GP1BA: variants seen among roughly 807,000 people sequenced by gnomAD.
GP1BA encodes glycoprotein Ib platelet subunit alpha, also known as platelet glycoprotein Ib alpha chain.
A neutral mutation model predicts 5.6 loss-of-function variants in GP1BA; 3 were observed. That is an observed-to-expected ratio of 0.53 (90% confidence interval 0.24 to 1.38). The LOEUF (loss-of-function observed/expected upper bound fraction) is 1.38, where lower values mean the gene tolerates loss of function less well. Among genes scored for constraint, GP1BA ranks in the 40% most tolerant of loss-of-function variants. GP1BA has a pLI of 0.16. For synonymous variants in GP1BA, 323 were observed against 358.3 expected, an observed-to-expected ratio of 0.90 and a Z score of 1.11; for missense variants, 707 against 801.4, an observed-to-expected ratio of 0.88 and a Z score of 1.42.
chr17:4,934,113 G>GT lies in GP1BA; in HGVS notation c.1509_1510insT (p.Leu504SerfsTer15). The GT allele has an allele frequency of 6.2e-7, 1 of 1,613,780 alleles. No individual in the cohort carries two copies. Among genetic ancestry groups the GT allele is most frequent in the Non-Finnish European group, 8.5e-7 (1 of 1,179,888 alleles). ...TCCCTGAACTTGATCAGCCACCAAA[G>GT]CTCCGTGGGGTGCTCCAAGGGCATT... On this transcript the variant is annotated frameshift_variant, in exon 2 of 2. Coordinates refer to ENST00000329125, the MANE Select transcript of GP1BA (RefSeq NM_000173.7). LOFTEE classifies it low-confidence loss of function (END_TRUNC).
In GP1BA at chr17:4,934,373, T is replaced by C. The variant is rs1448301010; in HGVS notation, c.1769T>C (p.Val590Ala). 1.9e-6 allele frequency: 3 copies of C among 1,613,948 alleles called. No individual in the cohort carries two copies. Among genetic ancestry groups the C allele is most frequent in the Non-Finnish European group, 2.5e-6 (3 of 1,179,912 alleles). ...CTGCAGAGGGGACGGCAAGTGACAG[T>C]GCCCCGGGCCTGGCTGCTCTTCCTT... ...LELQRGRQVT[V>A]PRAWLLFLRG... Residue 590 changes from valine to alanine, a missense_variant, in exon 2 of 2, where the codon GTG (valine) becomes GCG (alanine). By Grantham distance (64) the Val-to-Ala change is moderately conservative. This residue lies in a region of GP1BA where 247 missense variants were observed against 246.6 expected (regional missense o/e 1.00). Coordinates refer to ENST00000329125, the MANE Select transcript of GP1BA (RefSeq NM_000173.7).
In GP1BA at chr17:4,934,991, T is replaced by C. The variant is rs1046151276; in HGVS notation, c.*428T>C. On this transcript the variant is annotated 3_prime_UTR_variant, in exon 2 of 2. Transcript: ENST00000329125. ...ATTTTCTAGTTTTCCACTATTATTG[T>C]ATATTATCTGTATAATAAAAAATAA... 4 of 219,570 alleles carry C rather than the reference T, an allele frequency of 1.8e-5. No individual in the cohort carries two copies. Among genetic ancestry groups the C allele is most frequent in the African/African-American group, 9.5e-5 (4 of 42,296 alleles). The allele number at this position is 219,570 out of a possible 1,614,324, so 13.6% of individuals were successfully genotyped here.
At position 4,934,367 on chromosome 17, in the gene GP1BA, T is replaced by C. The variant is rs201408072; in HGVS notation, c.1763T>C (p.Val588Ala). The change falls in exon 2 of 2, where the codon GTG becomes GCG. Residue 588 changes from valine to alanine, a missense_variant. Transcript: ENST00000329125. ...THLELQRGRQ[V>A]TVPRAWLLFL... ...CTGGAGCTGCAGAGGGGACGGCAAG[T>C]GACAGTGCCCCGGGCCTGGCTGCTC... The C allele has an allele frequency of 2.9e-4, 475 of 1,614,026 alleles. No individual in the cohort carries two copies. The highest frequency in any genetic ancestry group is 5.5e-4 in the Admixed American group (33 of 60,032).
rs759133794 is a variant in GP1BA, at chr17:4,933,730, C to G, written c.1126C>G (p.Pro376Ala). 3.5e-5 allele frequency: 57 copies of G among 1,613,812 alleles called. No individual in the cohort carries two copies. Among genetic ancestry groups the G allele is most frequent in the Non-Finnish European group, 4.6e-5 (54 of 1,179,874 alleles). The change falls in exon 2 of 2, where the codon CCA becomes GCA. Residue 376 changes from proline (P) to alanine (A), a missense_variant. Pro to Ala is a conservative substitution (Grantham distance 27, BLOSUM62 -1). Transcript: ENST00000329125. ...HMESITFSKTPKSTTEPTPSP... is the reference protein window; with the variant it reads ...HMESITFSKTAKSTTEPTPSP... The stretch of plus-strand genomic sequence containing the variant: ...GGAATCCATCACATTCTCCAAAACT[C>G]CAAAATCCACTACTGAACCAACCCC...
rs1970396902 is a variant in GP1BA, at chr17:4,934,667, C to A, written c.*104C>A. ...GGAACACAGGGTGATAGGGAGGGGTCTTAGTTCCTTTTTCTGTATCAGAAG... is the reference window on the plus strand; with the variant it reads ...GGAACACAGGGTGATAGGGAGGGGTATTAGTTCCTTTTTCTGTATCAGAAG... On this transcript the variant is annotated 3_prime_UTR_variant, in exon 2 of 2. Transcript: ENST00000329125. The A allele has an allele frequency of 1.7e-6, 2 of 1,151,622 alleles. No homozygotes were observed. The highest frequency in any genetic ancestry group is 2.5e-6 in the Non-Finnish European group (2 of 791,956). 71.3% of individuals were successfully genotyped at this position (1,151,622 alleles called of 1,614,324 possible). A position where few individuals can be genotyped will look rare whatever the true frequency, so the allele number is the denominator to read the frequency against.
In GP1BA at chr17:4,934,158, C is replaced by T; in HGVS notation, c.1554C>T (p.Asp518=). ...GGCATTTGGAGAGCTCCAGAAATGA[C>T]CCTTTTCTCCACCCCGACTTTTGCT... is the stretch of plus-strand genomic sequence containing the variant. ...LQGHLESSRN[D]PFLHPDFCCL... Residue 518 remains aspartate (D), a synonymous_variant, in exon 2 of 2, where the codon GAC becomes GAT. Transcript: ENST00000329125. 1 of 1,613,896 alleles carries T rather than the reference C, an allele frequency of 6.2e-7. No homozygotes were observed. The highest frequency in any genetic ancestry group is 8.5e-7 in the Non-Finnish European group (1 of 1,179,872).
chr17:4,932,658 C>A lies in GP1BA; in HGVS notation c.54C>A (p.Pro18=). ...TGCCAAGCCCCTTACACCCCCACCC[C>A]ATCTGTGAGGTCTCCAAAGTGGCCA... ...LLLPSPLHPH[P]ICEVSKVASH... The change falls in exon 2 of 2, where the codon CCC becomes CCA. Residue 18 remains proline (P), a synonymous_variant. Coordinates refer to ENST00000329125, the MANE Select transcript of GP1BA (RefSeq NM_000173.7). The surrounding 1 kb of genome is among the most constrained non-coding windows in gnomAD (Gnocchi z 4.8). 6.2e-7 allele frequency: 1 copy of A among 1,613,940 alleles called. No individual in the cohort carries two copies.
rs752965136 is a variant in GP1BA at position 4,934,614 on chromosome 17, G to A, written c.*51G>A. 9 of 1,584,126 alleles carry A rather than the reference G, an allele frequency of 5.7e-6. No individual in the cohort carries two copies. Among genetic ancestry groups the A allele is most frequent in the South Asian group, 1.1e-5 (1 of 88,848 alleles). ...AGAAGAGCCTGTGGGCTCTCCTATT[G>A]GAATCTAGTTGGGGGTTGGAGGGGT... On this transcript the variant is annotated 3_prime_UTR_variant, in exon 2 of 2. Coordinates refer to ENST00000329125, the MANE Select transcript of GP1BA (RefSeq NM_000173.7).
Position 4,932,469 on chromosome 17 carries a change from T to G in GP1BA, c.-7+104T>G. The G allele has an allele frequency of 8.0e-7, 1 of 1,255,356 alleles. No individual in the cohort carries two copies. The highest frequency in any genetic ancestry group is 1.0e-6 in the Non-Finnish European group (1 of 954,180). 77.8% of individuals were successfully genotyped at this position (1,255,356 alleles called of 1,614,324 possible). On this transcript the variant is annotated intron_variant, in intron 1 of 1. Transcript: ENST00000329125. This position sits in a 1 kb window ranked among gnomAD's most constrained non-coding sequence, Gnocchi z 4.8. Reference sequence around the variant, plus strand: ...AAGTTCTGCAGGCAAGGGTGGGAGATGGGAGTAGGGAGGACAGGAGGTGTG... The same window carrying G: ...AAGTTCTGCAGGCAAGGGTGGGAGAGGGGAGTAGGGAGGACAGGAGGTGTG...
Position 4,933,272 on chromosome 17 carries a change from G to A in GP1BA, c.668G>A (p.Trp223Ter). ...TTTGCTTTTCTCCACGGGAACCCCT[G>A]GTTATGCAACTGTGAGATCCTCTAT... ...LPFAFLHGNP[W>*]LCNCEILYFR... The change falls in exon 2 of 2, where the codon TGG becomes TAG. Residue 223 changes from tryptophan (W) to a stop codon, truncating the protein, a stop_gained. Coordinates refer to ENST00000329125, the MANE Select transcript of GP1BA (RefSeq NM_000173.7). LOFTEE classifies it low-confidence loss of function (END_TRUNC). 6.2e-7 allele frequency: 1 copy of A among 1,613,986 alleles called. No homozygotes were observed. Among genetic ancestry groups the A allele is most frequent in the Admixed American group, 1.7e-5 (1 of 60,026 alleles).
rs771260505 is a variant in GP1BA, at chr17:4,933,565, A to G, written c.961A>G (p.Thr321Ala). The part of the protein sequence containing the change: ...VVKFPTKAHT[T>A]PWGLFYSWST... ...CAAGTTCCCCACCAAAGCCCATACAACCCCCTGGGGTCTATTCTACTCATG... is the reference window on the plus strand; with the variant it reads ...CAAGTTCCCCACCAAAGCCCATACAGCCCCCTGGGGTCTATTCTACTCATG... Residue 321 changes from threonine to alanine, a missense_variant, in exon 2 of 2, where the codon ACC becomes GCC. Transcript: ENST00000329125. 1.2e-5 allele frequency: 20 copies of G among 1,613,256 alleles called. No homozygotes were observed. The East Asian group carries it at 3.6e-4, about 29-fold the overall frequency.
At position 4,933,944 on chromosome 17, in the gene GP1BA, C is replaced by T. The variant is rs867163225; in HGVS notation, c.1340C>T (p.Pro447Leu). ...CCCACCTCAGAGCCCGCCCCCAGCC[C>T]GACCACCCCGGAGCCCACCCCAATC... ...PEPTSEPAPS[P>L]TTPEPTPIPT... Residue 447 changes from proline to leucine, a missense_variant, in exon 2 of 2, where the codon CCG becomes CTG. Pro to Leu is a moderately conservative substitution (Grantham distance 98). Transcript: ENST00000329125. 3 of 1,372,830 alleles carry T rather than the reference C, an allele frequency of 2.2e-6. No homozygotes were observed. Among genetic ancestry groups the T allele is most frequent in the East Asian group, 3.7e-5 (1 of 27,006 alleles). The allele number at this position is 1,372,830 out of a possible 1,614,324, so 85.0% of individuals were successfully genotyped here.
rs771510316 is a variant in GP1BA, at chr17:4,933,433, G to A, written c.829G>A (p.Gly277Arg). ...SDKFPVYKYP[G>R]KGCPTLGDEG... ...CAAGTTTCCCGTCTACAAATACCCA[G>A]GAAAGGGGTGCCCCACCCTTGGTGA... The change falls in exon 2 of 2, where the codon GGA (glycine) becomes AGA (arginine). Residue 277 changes from glycine (G) to arginine (R), a missense_variant. Transcript: ENST00000329125. The A allele has an allele frequency of 6.2e-7, 1 of 1,613,956 alleles. No homozygotes were observed. Among genetic ancestry groups the A allele is most frequent in the Non-Finnish European group, 8.5e-7 (1 of 1,179,864 alleles).
chr17:4,932,416 G>C lies in GP1BA; in HGVS notation c.-7+51G>C, dbSNP rs1206952986. On this transcript the variant is annotated intron_variant, in intron 1 of 1. Transcript: ENST00000329125. This position sits in a 1 kb window ranked among gnomAD's most constrained non-coding sequence, Gnocchi z 4.8. ...GGAGAGGGGTCTGAGGGAGGGGAAA[G>C]AGCCAAGGACCTGGAGCTAGTAGTT... 2.2e-6 allele frequency: 3 copies of C among 1,381,880 alleles called. No homozygotes were observed. The highest frequency in any genetic ancestry group is 2.9e-5 in the African/African-American group (2 of 68,634). The allele number at this position is 1,381,880 out of a possible 1,614,324, so 85.6% of individuals were successfully genotyped here.
Position 4,932,911 on chromosome 17 carries a change from A to G in GP1BA, c.307A>G (p.Asn103Asp). ...PVLGTLDLSHNQLQSLPLLGQ... is the reference protein window; with the variant it reads ...PVLGTLDLSHDQLQSLPLLGQ... ...GCTGGGGACCCTGGATCTATCCCAC[A>G]ATCAGCTGCAAAGCCTGCCCTTGCT... The change falls in exon 2 of 2, where the codon AAT becomes GAT. Residue 103 changes from asparagine to aspartate, a missense_variant. Transcript: ENST00000329125. The surrounding 1 kb of genome is among the most constrained non-coding windows in gnomAD (Gnocchi z 4.8). 6.2e-7 allele frequency: 1 copy of G among 1,613,962 alleles called. No homozygotes were observed. Among genetic ancestry groups the G allele is most frequent in the South Asian group, 1.1e-5 (1 of 91,090 alleles).
Position 4,932,333 on chromosome 17 carries a change from G to C in GP1BA, c.-39G>C. The C allele has an allele frequency of 3.0e-6, 4 of 1,326,946 alleles. No homozygotes were observed. Among genetic ancestry groups the C allele is most frequent in the Non-Finnish European group, 3.9e-6 (4 of 1,033,146 alleles). 82.2% of individuals were successfully genotyped at this position (1,326,946 alleles called of 1,614,324 possible). On this transcript the variant is annotated 5_prime_UTR_variant, in exon 1 of 2. Coordinates refer to ENST00000329125, the MANE Select transcript of GP1BA (RefSeq NM_000173.7). This position sits in a 1 kb window ranked among gnomAD's most constrained non-coding sequence, Gnocchi z 4.8. Reference sequence around the variant, plus strand: ...GGAGTCGAGTGGCACCCTAGAAGACGCTCTGTGCCTTCGGAGGTCTTTCTG... The same window carrying C: ...GGAGTCGAGTGGCACCCTAGAAGACCCTCTGTGCCTTCGGAGGTCTTTCTG...
In GP1BA at chr17:4,933,002, T is replaced by C; in HGVS notation, c.398T>C (p.Leu133Pro). 2 of 1,614,028 alleles carry C rather than the reference T, an allele frequency of 1.2e-6. No homozygotes were observed. The highest frequency in any genetic ancestry group is 2.2e-5 in the South Asian group (2 of 91,082). The change falls in exon 2 of 2, where the codon CTT becomes CCT. Residue 133 changes from leucine (L) to proline (P), a missense_variant. Coordinates refer to ENST00000329125, the MANE Select transcript of GP1BA (RefSeq NM_000173.7). ...TTCAACCGGCTGACCTCGCTGCCTCTTGGTGCCCTGCGTGGTCTTGGCGAA... is the reference window on the plus strand; with the variant it reads ...TTCAACCGGCTGACCTCGCTGCCTCCTGGTGCCCTGCGTGGTCTTGGCGAA... Reference protein sequence around the residue: ...VSFNRLTSLPLGALRGLGELQ... With the variant: ...VSFNRLTSLPPGALRGLGELQ...
Position 4,932,709 on chromosome 17 carries a change from G to A in GP1BA, c.105G>A (p.Lys35=), listed in dbSNP as rs778306339. The A allele has an allele frequency of 6.2e-7, 1 of 1,613,962 alleles. No individual in the cohort carries two copies. The highest frequency in any genetic ancestry group is 1.7e-5 in the Admixed American group (1 of 60,008). The part of the protein sequence containing the change: ...VASHLEVNCD[K]RNLTALPPDL... The stretch of plus-strand genomic sequence containing the variant: ...GCCACCTAGAAGTGAACTGTGACAA[G>A]AGGAATCTGACAGCGCTGCCTCCAG... The change falls in exon 2 of 2, where the codon AAG becomes AAA. Residue 35 remains lysine, a synonymous_variant. Coordinates refer to ENST00000329125, the MANE Select transcript of GP1BA (RefSeq NM_000173.7). The surrounding 1 kb of genome is among the most constrained non-coding windows in gnomAD (Gnocchi z 4.8).
rs747010240 is a variant in GP1BA, at chr17:4,933,761, C to G, written c.1157C>G (p.Pro386Arg). 1.4e-5 allele frequency: 23 copies of G among 1,613,862 alleles called. No individual in the cohort carries two copies. The highest frequency in any genetic ancestry group is 3.3e-4 in the Middle Eastern group (2 of 6,062). Reference sequence around the variant, plus strand: ...TCCACTACTGAACCAACCCCAAGCCCGACCACCTCAGAGCCCGTCCCGGAG... The same window carrying G: ...TCCACTACTGAACCAACCCCAAGCCGGACCACCTCAGAGCCCGTCCCGGAG... ...PKSTTEPTPS[P>R]TTSEPVPEPA... is the part of the protein sequence containing the mutation. Residue 386 changes from proline to arginine, a missense_variant, in exon 2 of 2, where the codon CCG (proline) becomes CGG (arginine). By Grantham distance (103) the Pro-to-Arg change is moderately radical. Transcript: ENST00000329125.
Sources: gnomAD v4.1 joint callset for allele counts on GRCh38, gnomAD v4.1.1 for gene constraint, gnomAD v4.1.1 regional missense constraint, Gnocchi (gnomAD v3.1) non-coding constraint, MANE v1.5 for transcripts, NCBI Gene and HGNC (gene_info 2026-07-23, HGNC 2026-07-21) for gene names.